The following ADAMTS17 variants were observed in gnomAD, a reference collection of about 807,000 sequenced individuals.
The protein encoded by ADAMTS17 is A disintegrin and metalloproteinase with thrombospondin motifs 17.
In ADAMTS17, 113 loss-of-function variants were observed where a neutral mutation model predicts 141.5. The ratio of observed to expected loss-of-function variants is 0.80; its 90% CI spans 0.69 to 0.93. The LOEUF is 0.93. Among genes scored for constraint, ADAMTS17 ranks in the 40% least tolerant of loss-of-function variants. The pLI is 0.00. For synonymous variants in ADAMTS17, 768 were observed against 630.6 expected (o/e 1.22, Z -3.27); for missense variants, 1,659 against 1,517.9 (o/e 1.09, Z -1.54).
chr15:100,123,049 G>A (rs905556822), intron 12 of ADAMTS17, among the ~76,000 whole-genome samples: 2 of 152,224 alleles, frequency 1.3e-5, no homozygotes, highest in African/African-American at 4.8e-5. Context: ...CCTGACAGAA[G>A]TTCTGGGGGA....
In ADAMTS17 at chr15:100,281,289, G is replaced by T; in HGVS notation, c.729C>A (p.Asp243Glu). ...CCTCGGCCCCGTGGTACTGCACCAT[G>T]TCGGCGTCGGCCACCACCAGGGTCT... Reference protein sequence around the residue: ...TVETLVVADADMVQYHGAEAA... With the variant: ...TVETLVVADAEMVQYHGAEAA... Residue 243 changes from aspartate to glutamate, a missense_variant, in exon 4 of 22, where the codon GAC becomes GAA. Physicochemically the swap from Asp to Glu is conservative, Grantham distance 45. Coordinates refer to ENST00000268070, the MANE Select transcript of ADAMTS17 (RefSeq NM_139057.4). The T allele has an allele frequency of 6.2e-7, 1 of 1,608,670 alleles. No individual in the cohort carries two copies. The highest frequency in any genetic ancestry group is 1.7e-4 in the Middle Eastern group (1 of 5,726).
At chr15:100,114,316 A>G (rs1162010802) in intron 13 of ADAMTS17, among the ~76,000 whole-genome samples, 1 of 152,182 alleles carries the variant, frequency 6.6e-6, no homozygotes, top group African/African-American at 2.4e-5. Flanking sequence ...CCCGGAGCCC[A>G]ACCACAGGAA....
intron 8 of ADAMTS17, among the ~76,000 whole-genome samples, chr15:100,160,233 T>C (rs1187364058): frequency 6.6e-6 from 1 of 152,202 alleles, no homozygotes; most frequent in East Asian, 1.9e-4. Context: ...ATCAGAGGCA[T>C]CTCCCACCTC....
At chr15:100,332,467 G>A (rs933584717) in intron 2 of ADAMTS17, among the ~76,000 whole-genome samples, 1 of 152,218 alleles carries the variant, frequency 6.6e-6, no homozygotes, top group Admixed American at 6.5e-5. Context: ...CAGAGGATAC[G>A]CTTCACTCTA....
At chr15:100,211,251 G>A (rs560749264) in intron 7 of ADAMTS17, among the ~76,000 whole-genome samples, 4 of 144,394 alleles carry the variant, frequency 2.8e-5, no homozygotes, top group Non-Finnish European at 4.5e-5. Context: ...AGTTGAGACT[G>A]TGCCACTTCA....
intron 7 of ADAMTS17, among the ~76,000 whole-genome samples, chr15:100,232,587 C>T (rs558439427): frequency 2.6e-5 from 4 of 152,312 alleles, no homozygotes; most frequent in South Asian, 4.1e-4. Flanking sequence ...TTGATGGCAA[C>T]GAAGGTCTCA....
At chr15:100,077,005 A>G (rs933961847) in intron 15 of ADAMTS17, among the ~76,000 whole-genome samples, 15 of 152,100 alleles carry the variant, frequency 9.9e-5, no homozygotes, top group Admixed American at 2.6e-4. Flanking sequence ...AATTTTCACT[A>G]TAAGAAACAA....
intron 3 of ADAMTS17, among the ~76,000 whole-genome samples, chr15:100,317,209 A>G (rs2045592461): frequency 6.6e-6 from 1 of 152,202 alleles, no homozygotes. Flanking sequence ...GGATAAAGAC[A>G]TAGTTCATAT....
At chr15:100,002,121 T>A (rs2060940203) in intron 18 of ADAMTS17, among the ~76,000 whole-genome samples, 1 of 151,882 alleles carries the variant, frequency 6.6e-6, no homozygotes, top group Non-Finnish European at 1.5e-5. Context: ...AGCAGCCAGA[T>A]TAAACATATT....
chr15:100,130,819 A>G (rs1193446731), intron 12 of ADAMTS17, among the ~76,000 whole-genome samples: 1 of 150,722 alleles, frequency 6.6e-6, no homozygotes, highest in Non-Finnish European at 1.5e-5. Flanking sequence ...ATTAAAAGAA[A>G]TGGTAAGAAA....
intron 15 of ADAMTS17, among the ~76,000 whole-genome samples, chr15:100,082,503 C>T (rs1414099309): frequency 1.3e-5 from 2 of 151,998 alleles, no homozygotes; most frequent in Non-Finnish European, 2.9e-5. Flanking sequence ...CTCCTGCCCC[C>T]GCTTCCTGAG....
chr15:100,260,191 T>C (rs2043467570), intron 6 of ADAMTS17, among the ~76,000 whole-genome samples: 1 of 152,188 alleles, frequency 6.6e-6, no homozygotes, highest in Admixed American at 6.5e-5. Context: ...GTCCGGTGTC[T>C]GGGGCTGGGG....
At position 100,114,837 on chromosome 15, in the gene ADAMTS17, G is replaced by A. The variant is rs1015138576; in HGVS notation, c.1888+2010C>T. Among the ~76,000 whole-genome samples, 6 of 152,208 alleles carry A rather than the reference G, an allele frequency of 3.9e-5. No individual in the cohort carries two copies. The East Asian group carries it at 7.7e-4, about 20-fold the overall frequency. On this transcript the variant is annotated intron_variant, in intron 13 of 21. Transcript: ENST00000268070. The stretch of plus-strand genomic sequence containing the variant: ...CCAACCACTGTGGTGATAAGGCAAC[G>A]AAACAGTCCAGCCATCCAAAAGCGG...
At chr15:100,086,538 T>C (rs1048245283) in intron 15 of ADAMTS17, among the ~76,000 whole-genome samples, 8 of 152,160 alleles carry the variant, frequency 5.3e-5, no homozygotes, top group Non-Finnish European at 4.4e-5. Context: ...ATCAACAGAA[T>C]ATACATTCTT....
intron 3 of ADAMTS17, among the ~76,000 whole-genome samples, chr15:100,301,107 A>G (rs1014662683): frequency 2.6e-5 from 4 of 152,236 alleles, no homozygotes; most frequent in African/African-American, 9.6e-5. Context: ...CTTTTGGAGC[A>G]CTATGGTAAA....
chr15:100,163,058 A>G (rs953446490), intron 8 of ADAMTS17, among the ~76,000 whole-genome samples: 2 of 148,780 alleles, frequency 1.3e-5, no homozygotes, highest in Non-Finnish European at 3.0e-5. Flanking sequence ...CTATATATGT[A>G]TATATATGTG....
chr15:100,243,156 A>C (rs1374361737), intron 7 of ADAMTS17, among the ~76,000 whole-genome samples: 1 of 152,190 alleles, frequency 6.6e-6, no homozygotes, highest in Non-Finnish European at 1.5e-5. Flanking sequence ...ATGTGTCACT[A>C]TCTCCTTCCT....
intron 18 of ADAMTS17, among the ~76,000 whole-genome samples, chr15:100,002,856 C>T (rs913262703): frequency 2.0e-5 from 3 of 151,894 alleles, no homozygotes; most frequent in Non-Finnish European, 2.9e-5. Context: ...AGCCCTTTCC[C>T]GCGGAGTTCT....
At chr15:99,995,509 T>TC (rs2060784109) in intron 19 of ADAMTS17, among the ~76,000 whole-genome samples, 1 of 152,140 alleles carries the variant, frequency 6.6e-6, no homozygotes, top group African/African-American at 2.4e-5. Context: ...TCTCTTTGCT[T>TC]CCCATCAGGG....
Sources: allele counts gnomAD v4.1 joint callset (sites outside exome capture counted in the v4.1 genomes callset), GRCh38; gene constraint gnomAD v4.1.1; transcripts MANE v1.5; gene names NCBI Gene and HGNC (gene_info 2026-07-23, HGNC 2026-07-21).